The following MCF2L variants were observed in gnomAD, a reference collection of about 807,000 sequenced individuals.
The protein encoded by MCF2L is guanine nucleotide exchange factor DBS.
Under a neutral mutation model 153.4 loss-of-function variants are expected in MCF2L, and 97 were observed. The ratio of observed to expected loss-of-function variants is 0.63; its 90% CI spans 0.54 to 0.75. The LOEUF (loss-of-function observed/expected upper bound fraction) is 0.75, where lower values mean the gene tolerates loss of function less well. Ranked by LOEUF, MCF2L falls within the 30% of genes least tolerant of loss-of-function variation. The probability of loss-of-function intolerance (pLI) is 0.00; values close to 1 mark genes in which losing one functional copy is unlikely to be tolerated. For synonymous variants in MCF2L, 659 were observed against 632.2 expected (o/e 1.04, Z -0.64); for missense variants, 1,347 against 1,495.2 (o/e 0.90, Z 1.64).
chr13:113,017,682 C>G (rs1463509212), intron 2 of MCF2L, among the ~76,000 whole-genome samples: 1 of 152,154 alleles, frequency 6.6e-6, no homozygotes, highest in Admixed American at 6.5e-5. Flanking sequence ...ACTCGCTCTC[C>G]CTGTCTCGCT....
intron 4 of MCF2L, among the ~76,000 whole-genome samples, chr13:113,049,008 G>A (rs931011860): frequency 3.2e-4 from 49 of 152,130 alleles, no homozygotes; most frequent in African/African-American, 1.1e-3. Context: ...CCCTGGAGAG[G>A]GCGTCTTCCT....
At chr13:112,898,215 G>A (rs964221367) in intron 1 of MCF2L, among the ~76,000 whole-genome samples, 15 of 152,274 alleles carry the variant, frequency 9.9e-5, no homozygotes, top group East Asian at 9.7e-4. Context: ...CTGTGTGACC[G>A]CCAGCTCACT....
chr13:112,947,047 G>C (rs1361420978), intron 2 of MCF2L, among the ~76,000 whole-genome samples: 1 of 152,138 alleles, frequency 6.6e-6, no homozygotes, highest in Non-Finnish European at 1.5e-5. Flanking sequence ...ATCACAGACT[G>C]GGTAATTTAT....
intron 1 of MCF2L, among the ~76,000 whole-genome samples, chr13:112,980,655 C>CCTTTCCCCCGCCTTCCT (rs1172903056): frequency 6.6e-6 from 1 of 152,096 alleles, no homozygotes; most frequent in Non-Finnish European, 1.5e-5. Context: ...CCCGCCTTCC[C>CCTTTCCCCCGCCTTCCT]CTTTCCCCCG....
chr13:112,925,744 G>A (rs950997639), intron 2 of MCF2L, among the ~76,000 whole-genome samples: 4 of 152,074 alleles, frequency 2.6e-5, no homozygotes, highest in Non-Finnish European at 5.9e-5. Flanking sequence ...ACATACATAC[G>A]TTTGATGTGA....
At chr13:112,945,228 A>G (rs1371010668) in intron 2 of MCF2L, among the ~76,000 whole-genome samples, 1 of 152,186 alleles carries the variant, frequency 6.6e-6, no homozygotes, top group Non-Finnish European at 1.5e-5. Flanking sequence ...ATGATCCATG[A>G]CATTATGCAC....
intron 1 of MCF2L, among the ~76,000 whole-genome samples, chr13:112,897,432 G>A (rs938821541): frequency 3.3e-5 from 5 of 152,146 alleles, no homozygotes; most frequent in African/African-American, 9.7e-5. Context: ...GGATCTCCTC[G>A]GAGCCCTGAA....
At chr13:113,065,995 G>T (rs768765409) in intron 7 of MCF2L, 51 bp from the exon 8 acceptor site, 1 of 1,591,076 alleles carries the variant, frequency 6.3e-7, no homozygotes, top group East Asian at 2.3e-5. Flanking sequence ...CCACCAGCCT[G>T]CGCTGTGTGC....
rs543631410 is a variant in MCF2L, at chr13:113,078,523, G to A, written c.1734+87G>A. On this transcript the variant is annotated intron_variant, in intron 14 of 29. Coordinates refer to ENST00000535094, the MANE Select transcript of MCF2L (RefSeq NM_001112732.3). ...GGTTCTCCGTGTGGCCCCCCCTCCC[G>A]GGCACTGCCCAGCTACCTGGCCAGC... The A allele has an allele frequency of 6.4e-4, 900 of 1,402,264 alleles. 4 individuals are homozygous for A. In the African/African-American group the frequency reaches 0.01, roughly 16 times the overall value. 86.9% of individuals were successfully genotyped at this position (1,402,264 alleles called of 1,614,324 possible).
rs555652187 is a variant in MCF2L at position 112,925,368 on chromosome 13, C to G, written c.169+22997C>G. Among the ~76,000 whole-genome samples the G allele has an allele frequency of 1.4e-3, 211 of 152,278 alleles. 3 individuals carry two copies. Among genetic ancestry groups the G allele is most frequent in the African/African-American group, 4.8e-3 (199 of 41,546 alleles). On this transcript the variant is annotated intron_variant, in intron 2 of 29. Coordinates refer to the MCF2L transcript ENST00000375608. The stretch of plus-strand genomic sequence containing the variant: ...CTAAGCATGTGCCTGCCCTCCGATT[C>G]CACCCTAACTGTGCACCCAAAAGGA...
Position 113,076,144 on chromosome 13 carries a change from A to G in MCF2L, c.1487A>G (p.Asn496Ser). 6.2e-7 allele frequency: 1 copy of G among 1,612,706 alleles called. No individual in the cohort carries two copies. Among genetic ancestry groups the G allele is most frequent in the African/African-American group, 1.3e-5 (1 of 75,012 alleles). The change falls in exon 12 of 30, where the codon AAC becomes AGC. Residue 496 changes from asparagine to serine, a missense_variant. Asn to Ser is a conservative substitution (Grantham distance 46). Coordinates refer to ENST00000535094, the MANE Select transcript of MCF2L (RefSeq NM_001112732.3). ...AIYKEYESIL[N>S]QDLMEHVRKV... is the part of the protein sequence containing the mutation. ...TACAAGGAATACGAATCCATCCTCAACCAAGATCTCATGGTAACGCTGACT... is the reference window on the plus strand; with the variant it reads ...TACAAGGAATACGAATCCATCCTCAGCCAAGATCTCATGGTAACGCTGACT...
At chr13:112,944,568 ACT>A (rs1491304952) in intron 2 of MCF2L, among the ~76,000 whole-genome samples, 10 of 101,832 alleles carry the variant, frequency 9.8e-5, no homozygotes, top group African/African-American at 3.2e-4. Context: ...CTAAACCTGA[ACT>A]TTTTTTTTTT....
rs1012689922 is a variant in MCF2L at position 112,943,419 on chromosome 13, C to T, written c.169+41048C>T. ...GCTCCGCGCCGCAGGCGTGAACGCC[C>T]AACGGAGGGCGCCGGCGCCCGGGAG... On this transcript the variant is annotated intron_variant, in intron 2 of 29. Transcript: ENST00000375608. The surrounding 1 kb of genome is among the most constrained non-coding windows in gnomAD (Gnocchi z 4.2). Among the ~76,000 whole-genome samples, 3 of 151,858 alleles carry T rather than the reference C, an allele frequency of 2.0e-5. No homozygotes were observed. The highest frequency in any genetic ancestry group is 2.9e-5 in the Non-Finnish European group (2 of 67,894).
chr13:112,929,714 G>T (rs192158302), intron 2 of MCF2L, among the ~76,000 whole-genome samples: 2 of 152,312 alleles, frequency 1.3e-5, no homozygotes, highest in Admixed American at 1.3e-4. Flanking sequence ...TCCGGCCTCG[G>T]GTTCCTCTTC....
rs2086102793 is a variant in MCF2L at position 113,035,550 on chromosome 13, C to T, written c.279-9721C>T. 6.6e-6 allele frequency among the ~76,000 whole-genome samples: 1 copy of T among 152,170 alleles called. No individual in the cohort carries two copies. Among genetic ancestry groups the T allele is most frequent in the Admixed American group, 6.5e-5 (1 of 15,282 alleles). Reference sequence around the variant, plus strand: ...TGTCTCCCCTCCTCTGGCCCCCTCCCTGGCTCCTTCGCCTGCTGCCTTTTT... The same window carrying T: ...TGTCTCCCCTCCTCTGGCCCCCTCCTTGGCTCCTTCGCCTGCTGCCTTTTT... On this transcript the variant is annotated intron_variant, in intron 3 of 29. Coordinates refer to ENST00000535094, the MANE Select transcript of MCF2L (RefSeq NM_001112732.3). This position sits in a 1 kb window ranked among gnomAD's most constrained non-coding sequence, Gnocchi z 4.4.
intron 2 of MCF2L, among the ~76,000 whole-genome samples, chr13:113,021,062 GTATA>G (rs2084853770): frequency 6.6e-6 from 1 of 152,018 alleles, no homozygotes; most frequent in African/African-American, 2.4e-5. Context: ...ATCCATGTGT[GTATA>G]TATAGGTGTG....
intron 1 of MCF2L, among the ~76,000 whole-genome samples, chr13:112,894,963 A>G (rs2081052216): frequency 7.1e-6 from 1 of 141,206 alleles, no homozygotes; most frequent in Admixed American, 7.0e-5. Flanking sequence ...AGGGGAGGGT[A>G]GCCTGGGGTC....
intron 12 of MCF2L, among the ~76,000 whole-genome samples, chr13:113,076,465 AT>A (rs1466496851): frequency 6.6e-6 from 1 of 152,066 alleles, no homozygotes; most frequent in Non-Finnish European, 1.5e-5. Flanking sequence ...GGTTTTCACC[AT>A]GTTGGCCAGG....
rs755634688 is a variant in MCF2L at position 113,002,026 on chromosome 13, TGTG to T, written c.80-12735_80-12733del. 2.0e-6 allele frequency: 3 copies of T among 1,512,532 alleles called. No individual in the cohort carries two copies. The South Asian group carries it at 3.8e-5, about 19-fold the overall frequency. The allele number at this position is 1,512,532 out of a possible 1,614,324, so 93.7% of individuals were successfully genotyped here. On this transcript the variant is annotated intron_variant, in intron 1 of 29. Transcript: ENST00000535094. ...GGGTCCTCGCCTCCCCGGAAGGTGT[TGTG>T]GGGCGACAGTGCGGGGACGCCGGGC...
Sources: allele counts gnomAD v4.1 joint callset (sites outside exome capture counted in the v4.1 genomes callset), GRCh38; gene constraint gnomAD v4.1.1; non-coding constraint Gnocchi (gnomAD v3.1); transcripts MANE v1.5; gene names NCBI Gene and HGNC (gene_info 2026-07-23, HGNC 2026-07-21).